HOOK1: variants seen among roughly 807,000 people sequenced by gnomAD.
The protein encoded by HOOK1 is hook microtubule tethering protein 1.
Under a neutral mutation model 112.8 loss-of-function variants are expected in HOOK1, and 60 were observed. That is an observed-to-expected ratio of 0.53 (90% CI 0.43 to 0.66). The LOEUF is 0.66. Among genes scored for constraint, HOOK1 ranks in the 30% least tolerant of loss-of-function variants. HOOK1 has a pLI of 0.00. For synonymous variants in HOOK1, 294 were observed against 283.8 expected, an observed-to-expected ratio of 1.04 and a Z score of -0.36; for missense variants, 770 against 856.0, an observed-to-expected ratio of 0.90 and a Z score of 1.25.
rs201568293 is a variant in HOOK1, at chr1:59,872,780, G to GTT, written c.2017-5_2017-4dup. 2.5e-4 allele frequency: 271 copies of GTT among 1,102,684 alleles called. No homozygotes were observed. The highest frequency in any genetic ancestry group is 1.1e-3 in the South Asian group (51 of 46,200). The allele number at this position is 1,102,684 out of a possible 1,614,324, so 68.3% of individuals were successfully genotyped here. Reference sequence around the variant, plus strand: ...TAGTCATGTTAAATAAAAAATATATGTTTTTTTTTTTCAGAGTCTAGCATT... The same window carrying GTT: ...TAGTCATGTTAAATAAAAAATATATGTTTTTTTTTTTTTCAGAGTCTAGCATT... On this transcript the variant is annotated splice_polypyrimidine_tract_variant and intron_variant, in intron 21 of 21. Transcript: ENST00000371208.
At chr1:59,856,413 T>A (rs1055486114) in intron 12 of HOOK1, among the ~76,000 whole-genome samples, 1 of 151,990 alleles carries the variant, frequency 6.6e-6, no homozygotes, top group Non-Finnish European at 1.5e-5. Flanking sequence ...AGAATAGCTC[T>A]CTCTGTCTTA....
chr1:59,826,824 A>G (rs2098390307), intron 2 of HOOK1, among the ~76,000 whole-genome samples: 1 of 152,162 alleles, frequency 6.6e-6, no homozygotes, highest in Non-Finnish European at 1.5e-5. Flanking sequence ...GTGCAAAGGC[A>G]CAATCTTGGC....
At chr1:59,859,116 G>T in intron 14 of HOOK1, 71 bp downstream of exon 14, 1 of 638,086 alleles carries the variant, frequency 1.6e-6, no homozygotes, top group South Asian at 5.5e-5. Flanking sequence ...TAAATGTCTT[G>T]GCCTTTAAAA....
intron 14 of HOOK1, 114 bp from the exon 15 acceptor site, chr1:59,860,071 CCTG>C: frequency 3.1e-6 from 2 of 654,872 alleles, no homozygotes; most frequent in Non-Finnish European, 4.9e-6. Context: ...GCTAGCTGGT[CCTG>C]CTTGCATCTT....
In HOOK1 at chr1:59,840,368, A is replaced by G; in HGVS notation, c.598A>G (p.Arg200Gly). 1 of 1,584,194 alleles carries G rather than the reference A, an allele frequency of 6.3e-7. No individual in the cohort carries two copies. Among genetic ancestry groups the G allele is most frequent in the Non-Finnish European group, 8.6e-7 (1 of 1,166,226 alleles). The part of the protein sequence containing the change: ...ALAEKEELRQ[R>G]CEELDMQVTT... ...AGCAGAAAAAGAAGAGCTGAGGCAA[A>G]GATGTGAAGAATTGGATATGCAGGT... The change falls in exon 8 of 22, where the codon AGA becomes GGA. Residue 200 changes from arginine to glycine, a missense_variant. Physicochemically the swap from Arg to Gly is moderately radical, Grantham distance 125. This residue lies in a region of HOOK1 where 655 missense variants were observed against 725.9 expected (regional missense o/e 0.90). Transcript: ENST00000371208.
chr1:59,856,352 ATTTCT>A (rs2098410764), intron 12 of HOOK1, among the ~76,000 whole-genome samples: 2 of 151,436 alleles, frequency 1.3e-5, no homozygotes, highest in Non-Finnish European at 2.9e-5. Context: ...CATTGCTATA[ATTTCT>A]TTTAATTCTT....
At chr1:59,833,687 G>T in intron 5 of HOOK1, 150 bp downstream of exon 5, 1 of 574,756 alleles carries the variant, frequency 1.7e-6, no homozygotes. Context: ...CAACTCTGTC[G>T]TTGAAAAGTG....
In HOOK1 at chr1:59,815,135, G is replaced by T; in HGVS notation, c.18G>T (p.Pro6=). 1 of 1,542,296 alleles carries T rather than the reference G, an allele frequency of 6.5e-7. No individual in the cohort carries two copies. The highest frequency in any genetic ancestry group is 2.4e-5 in the East Asian group (1 of 40,850). Residue 6 remains proline (P), a synonymous_variant, in exon 1 of 22, where the codon CCG becomes CCT. Coordinates refer to ENST00000371208, the MANE Select transcript of HOOK1 (RefSeq NM_015888.6). MEETQ[P]PPQPKLPLCD... is the part of the protein sequence containing the mutation. ...CGCCGGCCATGGAGGAGACGCAGCC[G>T]CCGCCGCAGCCTAAGCTGCCCCTGT... is the stretch of plus-strand genomic sequence containing the variant.
At chr1:59,843,743 G>A (rs1321444744) in intron 9 of HOOK1, 145 bp downstream of exon 9, 3 of 623,488 alleles carry the variant, frequency 4.8e-6, no homozygotes, top group Non-Finnish European at 7.9e-6. Flanking sequence ...GATGGTATAA[G>A]TGGTTCCTGT....
intron 8 of HOOK1, 26 bp from the exon 9 acceptor site, chr1:59,843,396 TCTACTGGTGC>T: frequency 1.3e-6 from 2 of 1,481,706 alleles, no homozygotes; most frequent in Non-Finnish European, 1.8e-6. Context: ...TTGTTTTTTT[TCTACTGGTGC>T]TTATGTATGT....
At chr1:59,833,761 T>C (rs1258406016) in intron 5 of HOOK1, among the ~76,000 whole-genome samples, 4 of 152,200 alleles carry the variant, frequency 2.6e-5, no homozygotes, top group Non-Finnish European at 5.9e-5. Flanking sequence ...CTAAATTAGA[T>C]GTATTTTAGT....
At chr1:59,826,187 T>C (rs1421585625) in intron 2 of HOOK1, among the ~76,000 whole-genome samples, 1 of 152,180 alleles carries the variant, frequency 6.6e-6, no homozygotes, top group East Asian at 1.9e-4. Context: ...TAGAAAATAA[T>C]TGGACCATAT....
intron 1 of HOOK1, among the ~76,000 whole-genome samples, chr1:59,817,256 T>TAAA (rs1434514152): frequency 6.6e-6 from 1 of 152,230 alleles, no homozygotes; most frequent in African/African-American, 2.4e-5. Context: ...AGTTGTTTTA[T>TAAA]TCTCACCCTT....
intron 2 of HOOK1, among the ~76,000 whole-genome samples, chr1:59,828,544 G>T (rs938402893): frequency 1.1e-4 from 16 of 152,058 alleles, no homozygotes; most frequent in Admixed American, 4.6e-4. Context: ...TGTGACTTTT[G>T]CATCTTCCTG....
At chr1:59,835,307 A>T (rs1220516891) in intron 5 of HOOK1, 38 bp from the exon 6 acceptor site, 1 of 1,121,602 alleles carries the variant, frequency 8.9e-7, no homozygotes, top group Non-Finnish European at 1.4e-6. Flanking sequence ...ATGTGTAAAG[A>T]GTAGATTTTT....
At position 59,840,408 on chromosome 1, in the gene HOOK1, T is replaced by G; in HGVS notation, c.621+17T>G. On this transcript the variant is annotated intron_variant, in intron 8 of 21. Coordinates refer to ENST00000371208, the MANE Select transcript of HOOK1 (RefSeq NM_015888.6). ...GATATGCAGGTACGGGAAAAAACCC[T>G]GAGCTGAGAAAAACTTCCTCTTTAA... The G allele has an allele frequency of 6.6e-7, 1 of 1,508,010 alleles. No individual in the cohort carries two copies. Among genetic ancestry groups the G allele is most frequent in the East Asian group, 2.4e-5 (1 of 41,964 alleles). 93.4% of individuals were successfully genotyped at this position (1,508,010 alleles called of 1,614,324 possible). A position where few individuals can be genotyped will look rare whatever the true frequency, so the allele number is the denominator to read the frequency against.
intron 12 of HOOK1, among the ~76,000 whole-genome samples, chr1:59,857,346 CG>C (rs1559058668): frequency 3.3e-5 from 5 of 152,124 alleles, no homozygotes; most frequent in African/African-American, 1.2e-4. Context: ...GCTGGGGAGA[CG>C]GGAATCATAG....
rs544598005 is a variant in HOOK1 at position 59,872,781 on chromosome 1, T to G, written c.2017-14T>G. The stretch of plus-strand genomic sequence containing the variant: ...AGTCATGTTAAATAAAAAATATATG[T>G]TTTTTTTTTTCAGAGTCTAGCATTC... On this transcript the variant is annotated splice_polypyrimidine_tract_variant and intron_variant, in intron 21 of 21. Coordinates refer to ENST00000371208, the MANE Select transcript of HOOK1 (RefSeq NM_015888.6). 42 of 1,092,522 alleles carry G rather than the reference T, an allele frequency of 3.8e-5. No individual in the cohort carries two copies. Among genetic ancestry groups the G allele is most frequent in the South Asian group, 2.8e-4 (11 of 39,508 alleles). The allele number at this position is 1,092,522 out of a possible 1,614,324, so 67.7% of individuals were successfully genotyped here. A position where few individuals can be genotyped will look rare whatever the true frequency, so the allele number is the denominator to read the frequency against.
chr1:59,864,480 T>G (rs993460709), intron 16 of HOOK1, 152 bp from the exon 17 acceptor site: 2 of 509,726 alleles, frequency 3.9e-6, no homozygotes, highest in Non-Finnish European at 7.1e-6. Flanking sequence ...AAGTTTATGC[T>G]TCTTAAAGTG....
Sources: gnomAD v4.1 joint callset for allele counts (sites outside exome capture counted in the v4.1 genomes callset) on GRCh38, gnomAD v4.1.1 for gene constraint, gnomAD v4.1.1 regional missense constraint, MANE v1.5 for transcripts, NCBI Gene and HGNC (gene_info 2026-07-23, HGNC 2026-07-21) for gene names.